Variants in IL19 observed in about 807,000 individuals in gnomAD.
IL19 encodes interleukin 19, also known as interleukin-19.
In IL19, 15 loss-of-function variants were observed where a neutral mutation model predicts 19.5. That is an observed-to-expected ratio of 0.77 (90% confidence interval 0.52 to 1.19). IL19 has a LOEUF of 1.19. IL19 is among the 50% of genes most tolerant of loss of function. IL19 has a pLI of 0.00. For missense variants in IL19, 199 were observed against 213.1 expected (o/e 0.93, Z 0.41); for synonymous variants, 78 against 78.3 (o/e 1.00, Z 0.02).
chr1:206,812,409 C>T (rs1316711357), intron 2 of IL19, among the ~76,000 whole-genome samples: 1 of 152,106 alleles, frequency 6.6e-6, no homozygotes, highest in Non-Finnish European at 1.5e-5. Context: ...ACCATTTGGC[C>T]ATTTGGGGAT....
At chr1:206,808,551 G>A (rs1435815098) in intron 2 of IL19, among the ~76,000 whole-genome samples, 3 of 151,828 alleles carry the variant, frequency 2.0e-5, no homozygotes, top group Non-Finnish European at 4.4e-5. Flanking sequence ...GGTGGGGTGA[G>A]GTAGGAAAAA....
intron 1 of IL19, among the ~76,000 whole-genome samples, chr1:206,797,414 C>G (rs1278095854): frequency 6.6e-6 from 1 of 151,998 alleles, no homozygotes; most frequent in Non-Finnish European, 1.5e-5. Context: ...CTGCAGTCAC[C>G]CATTTACACA....
chr1:206,819,135 C>T (rs1318521104), intron 2 of IL19, among the ~76,000 whole-genome samples: 1 of 151,832 alleles, frequency 6.6e-6, no homozygotes, highest in Non-Finnish European at 1.5e-5. Context: ...AGGGATGGGT[C>T]TTGCTGTGTT....
chr1:206,824,194 C>T (rs1401861093), intron 2 of IL19, among the ~76,000 whole-genome samples: 3 of 152,150 alleles, frequency 2.0e-5, no homozygotes, highest in Non-Finnish European at 2.9e-5. Context: ...GAGGCTCGGA[C>T]GGAGTTAAGA....
At chr1:206,799,058 C>A in intron 2 of IL19, 52 bp downstream of exon 2, 1 of 1,176,676 alleles carries the variant, frequency 8.5e-7, no homozygotes, top group Non-Finnish European at 1.3e-6. Flanking sequence ...TCTCTGGGAC[C>A]AGAGATATCC....
chr1:206,802,666 A>AT (rs66469360), intron 2 of IL19, among the ~76,000 whole-genome samples: 7,025 of 148,868 alleles, frequency 0.047, 179 homozygotes, highest in Middle Eastern at 0.058. Flanking sequence ...CAAATTTTCA[A>AT]TTTTTTTTTT....
intron 1 of IL19, among the ~76,000 whole-genome samples, chr1:206,792,447 A>G (rs977034015): frequency 3.9e-5 from 6 of 152,036 alleles, no homozygotes; most frequent in African/African-American, 1.4e-4. Context: ...GTACATTCAC[A>G]ATCCCCCCAC....
rs375976152 is a variant in IL19 at position 206,842,539 on chromosome 1, G to A, written c.451G>A (p.Ala151Thr). The A allele has an allele frequency of 8.3e-6, 13 of 1,565,792 alleles. No homozygotes were observed. The highest frequency in any genetic ancestry group is 1.2e-5 in the South Asian group (1 of 85,124). ...TCTCTGATTTCAGCTGGAGGTCCACGCTGCTGCCATTAAATCCCTGGGAGA... is the reference window on the plus strand; with the variant it reads ...TCTCTGATTTCAGCTGGAGGTCCACACTGCTGCCATTAAATCCCTGGGAGA... ...HDNYDQLEVH[A>T]AAIKSLGELD... Residue 151 changes from alanine (A) to threonine (T), a missense_variant, in exon 7 of 7, where the codon GCT becomes ACT. Transcript: ENST00000659997.
chr1:206,831,419 T>C (rs1676606697), intron 2 of IL19, among the ~76,000 whole-genome samples: 1 of 152,206 alleles, frequency 6.6e-6, no homozygotes, highest in Admixed American at 6.5e-5. Context: ...GGAGACCAGA[T>C]TCATAATTGA....
chr1:206,794,840 T>C (rs992157420), intron 1 of IL19, among the ~76,000 whole-genome samples: 1 of 152,178 alleles, frequency 6.6e-6, no homozygotes, highest in Non-Finnish European at 1.5e-5. Flanking sequence ...CCTGCTATGC[T>C]CCCCACTTTC....
At chr1:206,788,824 T>C (rs1675323330) in intron 1 of IL19, among the ~76,000 whole-genome samples, 1 of 152,230 alleles carries the variant, frequency 6.6e-6, no homozygotes, top group Admixed American at 6.5e-5. Context: ...CGGTTTCTCT[T>C]AGCACAGATT....
At chr1:206,831,077 T>G (rs1220680810) in intron 2 of IL19, among the ~76,000 whole-genome samples, 1 of 152,166 alleles carries the variant, frequency 6.6e-6, no homozygotes, top group African/African-American at 2.4e-5. Flanking sequence ...TGGTACCCTC[T>G]GGAATTATGC....
At chr1:206,809,369 G>A (rs1675941129) in intron 2 of IL19, among the ~76,000 whole-genome samples, 1 of 152,186 alleles carries the variant, frequency 6.6e-6, no homozygotes, top group Non-Finnish European at 1.5e-5. Context: ...TGGGGTGGGT[G>A]GGCATGAACT....
chr1:206,802,753 T>C (rs1053594421), intron 2 of IL19, among the ~76,000 whole-genome samples: 5 of 152,168 alleles, frequency 3.3e-5, no homozygotes, highest in Non-Finnish European at 5.9e-5. Flanking sequence ...TGTATAGTTC[T>C]GCTCACTTGT....
intron 1 of IL19, among the ~76,000 whole-genome samples, chr1:206,792,425 C>G (rs1675430117): frequency 6.6e-6 from 1 of 152,082 alleles, no homozygotes; most frequent in South Asian, 2.1e-4. Context: ...CTGATTGACC[C>G]TTTGTGGTTT....
At chr1:206,802,333 C>T (rs1475969510) in intron 2 of IL19, among the ~76,000 whole-genome samples, 1 of 152,092 alleles carries the variant, frequency 6.6e-6, no homozygotes, top group Non-Finnish European at 1.5e-5. Flanking sequence ...GAAAGGTGTA[C>T]ATGACAGAAT....
intron 4 of IL19, among the ~76,000 whole-genome samples, chr1:206,838,991 G>A (rs1676902672): frequency 6.6e-6 from 1 of 152,236 alleles, no homozygotes; most frequent in Admixed American, 6.5e-5. Flanking sequence ...GGGCCAAGGA[G>A]GCTTTGCTTC....
At chr1:206,806,230 A>C (rs1174190112) in intron 2 of IL19, among the ~76,000 whole-genome samples, 1 of 152,162 alleles carries the variant, frequency 6.6e-6, no homozygotes, top group African/African-American at 2.4e-5. Context: ...GGTCAGCTTT[A>C]CCTAGAGTCA....
chr1:206,785,926 A>G (rs924940467), intron 1 of IL19, among the ~76,000 whole-genome samples: 8 of 152,108 alleles, frequency 5.3e-5, no homozygotes, highest in Non-Finnish European at 8.8e-5. Context: ...TTGGAAAGCT[A>G]CCTGCACCGA....
Sources: allele counts gnomAD v4.1 joint callset (sites outside exome capture counted in the v4.1 genomes callset), GRCh38; gene constraint gnomAD v4.1.1; transcripts MANE v1.5; gene names NCBI Gene and HGNC (gene_info 2026-07-23, HGNC 2026-07-21).